Variants in ANO4 observed in about 807,000 individuals in gnomAD.
ANO4 encodes anoctamin-4.
A neutral mutation model predicts 141.9 loss-of-function variants in ANO4; 69 were observed. The ratio of observed to expected loss-of-function variants is 0.49; its 90% CI spans 0.40 to 0.59. The LOEUF (loss-of-function observed/expected upper bound fraction) is 0.59, where lower values mean the gene tolerates loss of function less well. ANO4 is among the 20% of genes least tolerant of loss of function. The probability of loss-of-function intolerance (pLI) is 0.00; values close to 1 mark genes in which losing one functional copy is unlikely to be tolerated. For missense variants in ANO4, 894 were observed against 1,162.2 expected (o/e 0.77, Z 3.36); for synonymous variants, 350 against 394.3 (o/e 0.89, Z 1.33).
intron 24 of ANO4, among the ~76,000 whole-genome samples, chr12:101,114,579 G>A (rs926960848): frequency 6.6e-6 from 1 of 152,148 alleles, no homozygotes; most frequent in Non-Finnish European, 1.5e-5. Context: ...GGACAGTAGC[G>A]TTAGTCTTGA....
At position 100,746,018 on chromosome 12, in the gene ANO4, C is replaced by T. The variant is rs147643144; in HGVS notation, c.358+5913C>T. Among the ~76,000 whole-genome samples the T allele has an allele frequency of 1.1e-3, 170 of 152,208 alleles. 3 individuals carry two copies. The East Asian group carries it at 0.026, about 24-fold the overall frequency. Reference sequence around the variant, plus strand: ...GATATCTTCAAAGTGCTGAAGGAAACGAAGGTCAATTCAGAATTCCAGATA... The same window carrying T: ...GATATCTTCAAAGTGCTGAAGGAAATGAAGGTCAATTCAGAATTCCAGATA... On this transcript the variant is annotated intron_variant, in intron 3 of 29. Coordinates refer to the ANO4 transcript ENST00000644049.
At chr12:100,866,379 C>G (rs2038753946) in intron 1 of ANO4, among the ~76,000 whole-genome samples, 1 of 152,150 alleles carries the variant, frequency 6.6e-6, no homozygotes, top group South Asian at 2.1e-4. Context: ...TCCACGTTCC[C>G]CTTACCTTCT....
upstream of ANO4, among the ~76,000 whole-genome samples, chr12:100,717,273 G>GA (rs2030631064): frequency 6.6e-6 from 1 of 151,600 alleles, no homozygotes; most frequent in African/African-American, 2.4e-5. Context: ...TCCCCGCGGG[G>GA]ACCCGGAGCG....
At chr12:101,124,595 A>G (rs564768261) in intron 26 of ANO4, among the ~76,000 whole-genome samples, 1 of 152,144 alleles carries the variant, frequency 6.6e-6, no homozygotes, top group African/African-American at 2.4e-5. Context: ...GGATTTTTAT[A>G]GTTTGGGGCT....
At chr12:101,063,789 G>T (rs12320292) in intron 14 of ANO4, among the ~76,000 whole-genome samples, 1 of 65,578 alleles carries the variant, frequency 1.5e-5, no homozygotes, top group African/African-American at 6.3e-5. Flanking sequence ...GCCTTTGAAA[G>T]AGTCAATTTG....
chr12:100,735,066 A>T (rs2031546536), intron 2 of ANO4, among the ~76,000 whole-genome samples: 1 of 152,072 alleles, frequency 6.6e-6, no homozygotes, highest in African/African-American at 2.4e-5. Flanking sequence ...CTTCATGATG[A>T]CTCTGCATTG....
At chr12:101,041,559 T>C (rs2047411307) in intron 11 of ANO4, among the ~76,000 whole-genome samples, 1 of 152,206 alleles carries the variant, frequency 6.6e-6, no homozygotes. Flanking sequence ...TGCATATTAA[T>C]TAACTGTCTA....
chr12:100,879,287 C>T (rs2039456041), intron 1 of ANO4, among the ~76,000 whole-genome samples: 1 of 152,082 alleles, frequency 6.6e-6, no homozygotes, highest in African/African-American at 2.4e-5. Flanking sequence ...TAATTTCTCT[C>T]CAAGTGGAAA....
intron 1 of ANO4, among the ~76,000 whole-genome samples, chr12:100,880,366 T>G (rs1458785268): frequency 1.3e-5 from 2 of 152,302 alleles, no homozygotes; most frequent in Non-Finnish European, 2.9e-5. Context: ...TTTCATCTTC[T>G]TAATAACTTA....
chr12:100,758,741 G>T (rs367585051), intron 3 of ANO4, among the ~76,000 whole-genome samples: 9 of 152,240 alleles, frequency 5.9e-5, no homozygotes, highest in African/African-American at 1.9e-4. Context: ...AGTTCTGAAG[G>T]CCAGAAGTTT....
intron 11 of ANO4, among the ~76,000 whole-genome samples, chr12:101,041,208 G>C (rs1005692451): frequency 6.6e-6 from 1 of 152,176 alleles, no homozygotes; most frequent in Non-Finnish European, 1.5e-5. Context: ...AATGAGCCCA[G>C]AGGGGAGGAC....
At chr12:100,847,267 T>A (rs182753705) in intron 1 of ANO4, among the ~76,000 whole-genome samples, 2 of 152,160 alleles carry the variant, frequency 1.3e-5, no homozygotes, top group African/African-American at 4.8e-5. Context: ...ATACACTTGC[T>A]TTTTTGGAAG....
rs2047349981 is a variant in ANO4 at position 101,039,939 on chromosome 12, G to T, written c.898-16G>T. 1 of 1,605,510 alleles carries T rather than the reference G, an allele frequency of 6.2e-7. No homozygotes were observed. Among genetic ancestry groups the T allele is most frequent in the South Asian group, 1.1e-5 (1 of 89,910 alleles). On this transcript the variant is annotated splice_polypyrimidine_tract_variant and intron_variant, in intron 10 of 27. Transcript: ENST00000392977. Reference sequence around the variant, plus strand: ...TTGTGAGTACTACCTCACTGGCAGTGGTGTTTTTATCCCAGGGAAGTTATA... The same window carrying T: ...TTGTGAGTACTACCTCACTGGCAGTTGTGTTTTTATCCCAGGGAAGTTATA...
chr12:100,899,705 C>G (rs1254901960), intron 1 of ANO4, among the ~76,000 whole-genome samples: 1 of 152,130 alleles, frequency 6.6e-6, no homozygotes. Context: ...TTGACATGAC[C>G]TATGATTGGT....
chr12:100,844,528 T>C (rs1022931930), intron 1 of ANO4, among the ~76,000 whole-genome samples: 7 of 151,798 alleles, frequency 4.6e-5, no homozygotes, highest in African/African-American at 1.4e-4. Context: ...TGGAGAAGAG[T>C]GACTAGAGTC....
intron 14 of ANO4, among the ~76,000 whole-genome samples, chr12:101,058,177 T>C (rs962507759): frequency 3.3e-5 from 5 of 152,174 alleles, no homozygotes; most frequent in Admixed American, 3.3e-4. Context: ...GTTGTAGAAA[T>C]GTGGCGTTAT....
chr12:100,893,345 T>G (rs1241752382), intron 1 of ANO4, among the ~76,000 whole-genome samples: 1 of 151,882 alleles, frequency 6.6e-6, no homozygotes, highest in Non-Finnish European at 1.5e-5. Context: ...GTTCATCAAG[T>G]TTTTTCTATG....
chr12:101,087,021 C>CG (rs960232189), intron 17 of ANO4, among the ~76,000 whole-genome samples, 197 bp downstream of exon 17: 1 of 152,102 alleles, frequency 6.6e-6, no homozygotes, highest in Admixed American at 6.6e-5. Context: ...ATCTAGACTC[C>CG]GGGCTTTTCT....
intron 2 of ANO4, among the ~76,000 whole-genome samples, chr12:100,919,184 A>C (rs2041489587): frequency 6.6e-6 from 1 of 152,238 alleles, no homozygotes; most frequent in South Asian, 2.1e-4. Flanking sequence ...GTAAAAACTT[A>C]CCATAAGATA....
Sources: allele counts gnomAD v4.1 joint callset (sites outside exome capture counted in the v4.1 genomes callset), GRCh38; gene constraint gnomAD v4.1.1; transcripts MANE v1.5; gene names NCBI Gene and HGNC (gene_info 2026-07-23, HGNC 2026-07-21).